The following HMGA2 variants were observed in gnomAD, a reference collection of about 807,000 sequenced individuals.
The protein encoded by HMGA2 is high mobility group protein HMGI-C.
A neutral mutation model predicts 19.1 loss-of-function variants in HMGA2; 8 were observed. That is an observed-to-expected ratio of 0.42 (90% CI 0.25 to 0.76). The LOEUF is 0.76. Among genes scored for constraint, HMGA2 ranks in the 30% least tolerant of loss-of-function variants. The pLI is 0.28. For missense variants in HMGA2, 109 were observed against 136.3 expected (o/e 0.80, Z 1.00); for synonymous variants, 60 against 48.8 (o/e 1.23, Z -0.96).
At chr12:65,922,426 C>T (rs894257047) in intron 3 of HMGA2, among the ~76,000 whole-genome samples, 5 of 152,148 alleles carry the variant, frequency 3.3e-5, no homozygotes, top group Admixed American at 6.5e-5. Context: ...CACAGGATTT[C>T]GGACTTCCAT....
At chr12:65,924,942 A>G (rs1875453562) in intron 3 of HMGA2, among the ~76,000 whole-genome samples, 1 of 152,180 alleles carries the variant, frequency 6.6e-6, no homozygotes, top group South Asian at 2.1e-4. Context: ...GGCTGGCAAT[A>G]AAACTATCAG....
At chr12:65,847,637 A>T (rs1432797019) in intron 3 of HMGA2, among the ~76,000 whole-genome samples, 1 of 152,220 alleles carries the variant, frequency 6.6e-6, no homozygotes, top group Non-Finnish European at 1.5e-5. Flanking sequence ...GTTGTTGATC[A>T]TCCCAGCCCC....
At chr12:65,936,825 G>A (rs913709763) in intron 3 of HMGA2, among the ~76,000 whole-genome samples, 19 of 152,166 alleles carry the variant, frequency 1.2e-4, no homozygotes, top group African/African-American at 3.6e-4. Context: ...ATTGCTACCA[G>A]GTCACACAGC....
At chr12:65,962,658 A>G (rs1030704324) in intron 4 of HMGA2, among the ~76,000 whole-genome samples, 11 of 152,182 alleles carry the variant, frequency 7.2e-5, no homozygotes, top group African/African-American at 2.6e-4. Context: ...ACCAGTACCA[A>G]CCCGACCCAA....
At chr12:65,852,021 G>A (rs1871498545) in intron 3 of HMGA2, among the ~76,000 whole-genome samples, 1 of 151,860 alleles carries the variant, frequency 6.6e-6, no homozygotes, top group Middle Eastern at 3.2e-3. Context: ...TTTGTACTTT[G>A]TACAAATTTG....
chr12:65,914,897 A>C (rs774907929), intron 3 of HMGA2: 1 of 813,300 alleles, frequency 1.2e-6, no homozygotes, highest in Non-Finnish European at 2.0e-6. Flanking sequence ...CTGGTCTCGA[A>C]CTCCTGACCT....
chr12:65,925,175 C>A (rs747029780), intron 3 of HMGA2, among the ~76,000 whole-genome samples: 23 of 152,176 alleles, frequency 1.5e-4, no homozygotes, highest in Non-Finnish European at 3.1e-4. Context: ...TCAAAAGTAT[C>A]TTTTCTACAA....
Position 65,964,618 on chromosome 12 carries a change from G to T in HMGA2, c.*1326G>T, listed in dbSNP as rs1876854612. On this transcript the variant is annotated 3_prime_UTR_variant, in exon 5 of 5. Transcript: ENST00000403681. ...ATGCTGCTATACACAAGCAATGCAA[G>T]AAAAAAACTTACTGGGTAGGTGATT... is the stretch of plus-strand genomic sequence containing the variant. The T allele has an allele frequency of 4.7e-6, 1 of 213,692 alleles. No individual in the cohort carries two copies. Among genetic ancestry groups the T allele is most frequent in the African/African-American group, 2.3e-5 (1 of 44,260 alleles). 13.2% of individuals were successfully genotyped at this position (213,692 alleles called of 1,614,324 possible).
chr12:65,926,916 T>C (rs1875525161), intron 3 of HMGA2, among the ~76,000 whole-genome samples: 1 of 152,224 alleles, frequency 6.6e-6, no homozygotes, highest in African/African-American at 2.4e-5. Context: ...AAAGTGCTTT[T>C]CTGCGTGACC....
At chr12:65,918,353 T>C (rs1875183596) in intron 3 of HMGA2, among the ~76,000 whole-genome samples, 1 of 152,094 alleles carries the variant, frequency 6.6e-6, no homozygotes, top group Non-Finnish European at 1.5e-5. Context: ...TAAAGAGAAG[T>C]GGAGCTTGGT....
intron 3 of HMGA2, among the ~76,000 whole-genome samples, chr12:65,926,089 TA>T (rs967207219): frequency 2.6e-5 from 4 of 152,090 alleles, no homozygotes; most frequent in African/African-American, 7.2e-5. Context: ...TAGAGCAAAA[TA>T]AATTATTCTG....
intron 3 of HMGA2, among the ~76,000 whole-genome samples, chr12:65,902,374 TATA>T (rs1874409117): frequency 6.6e-6 from 1 of 152,192 alleles, no homozygotes; most frequent in African/African-American, 2.4e-5. Flanking sequence ...TGAGCTCAAT[TATA>T]ATATCTTCAT....
intron 2 of HMGA2, chr12:65,828,990 T>C (rs980187531): frequency 6.6e-6 from 1 of 152,186 alleles, no homozygotes; most frequent in East Asian, 1.9e-4. Context: ...TGCGTTGTAT[T>C]TGTAGGTTTG....
At chr12:65,921,209 G>C (rs1875295463) in intron 3 of HMGA2, among the ~76,000 whole-genome samples, 1 of 152,214 alleles carries the variant, frequency 6.6e-6, no homozygotes, top group African/African-American at 2.4e-5. Context: ...TTTCTAAGCA[G>C]CAAAGCATTC....
At position 65,948,911 on chromosome 12, in the gene HMGA2, A is replaced by G. The variant is rs559603328; in HGVS notation, c.250-2472A>G. On this transcript the variant is annotated intron_variant, in intron 3 of 4. Coordinates refer to ENST00000403681, the MANE Select transcript of HMGA2 (RefSeq NM_003483.6). Reference sequence around the variant, plus strand: ...CACATGAATGCGGGAGCCTCTGCCAAAAAAGGAGGGGGATTTCTGAGCAGT... The same window carrying G: ...CACATGAATGCGGGAGCCTCTGCCAGAAAAGGAGGGGGATTTCTGAGCAGT... Among the ~76,000 whole-genome samples the G allele has an allele frequency of 2.6e-5, 4 of 152,328 alleles. No individual in the cohort carries two copies. The East Asian group carries it at 5.8e-4, about 22-fold the overall frequency.
intron 3 of HMGA2, among the ~76,000 whole-genome samples, chr12:65,851,156 G>A (rs1476324805): frequency 6.6e-6 from 1 of 152,152 alleles, no homozygotes; most frequent in Non-Finnish European, 1.5e-5. Context: ...TTTGTGAAAT[G>A]AGGCTGGTAA....
chr12:65,890,047 C>T (rs1873838107), intron 3 of HMGA2, among the ~76,000 whole-genome samples: 1 of 152,148 alleles, frequency 6.6e-6, no homozygotes. Flanking sequence ...ACATCGTCAA[C>T]TCACAGAGTA....
At chr12:65,927,833 G>C (rs907687846) in intron 3 of HMGA2, among the ~76,000 whole-genome samples, 5 of 147,050 alleles carry the variant, frequency 3.4e-5, no homozygotes, top group African/African-American at 5.0e-5. Flanking sequence ...CTTTGTATCT[G>C]TGTGTGTGTG....
intron 3 of HMGA2, among the ~76,000 whole-genome samples, chr12:65,895,628 G>A (rs895095451): frequency 1.3e-5 from 2 of 152,172 alleles, no homozygotes; most frequent in Non-Finnish European, 2.9e-5. Context: ...CCATATGTTA[G>A]TTAGGGGGTT....
Sources: allele counts gnomAD v4.1 joint callset (sites outside exome capture counted in the v4.1 genomes callset), GRCh38; gene constraint gnomAD v4.1.1; transcripts MANE v1.5; gene names NCBI Gene and HGNC (gene_info 2026-07-23, HGNC 2026-07-21).